The following RHBDD1 variants were observed in gnomAD, a reference collection of about 807,000 sequenced individuals.
RHBDD1 encodes the protein rhomboid-related protein 4.
Under a neutral mutation model 36.3 loss-of-function variants are expected in RHBDD1, and 38 were observed. The observed-to-expected ratio is 1.05, with a 90% CI of 0.81 to 1.37. RHBDD1 has a LOEUF of 1.37. RHBDD1 is among the 40% of genes most tolerant of loss of function. The pLI, the probability that RHBDD1 is intolerant of heterozygous loss-of-function variation, is 0.00. For missense variants in RHBDD1, 393 were observed against 377.6 expected (o/e 1.04, Z -0.34); for synonymous variants, 151 against 136.5 (o/e 1.11, Z -0.74).
intron 5 of RHBDD1, among the ~76,000 whole-genome samples, chr2:226,891,693 G>C (rs1946701296): frequency 6.6e-6 from 1 of 152,148 alleles, no homozygotes; most frequent in African/African-American, 2.4e-5. Context: ...ATAAGTATCT[G>C]TACCCAACCA....
chr2:226,836,728 T>C (rs1421685449), intron 1 of RHBDD1, among the ~76,000 whole-genome samples: 1 of 152,190 alleles, frequency 6.6e-6, no homozygotes, highest in Non-Finnish European at 1.5e-5. Flanking sequence ...TATCGAGGTG[T>C]TTGGGTCTCT....
At chr2:226,907,692 C>T (rs999408698) in intron 6 of RHBDD1, among the ~76,000 whole-genome samples, 4 of 152,122 alleles carry the variant, frequency 2.6e-5, no homozygotes, top group African/African-American at 9.7e-5. Context: ...GAAAGCTTTC[C>T]AGGCACTGCA....
intron 5 of RHBDD1, among the ~76,000 whole-genome samples, chr2:226,871,722 G>A (rs1944813852): frequency 6.6e-6 from 1 of 152,136 alleles, no homozygotes; most frequent in Non-Finnish European, 1.5e-5. Flanking sequence ...GAAACTGAAA[G>A]TTGGGTCTAA....
At chr2:226,983,086 G>A (rs1466057379) in intron 8 of RHBDD1, among the ~76,000 whole-genome samples, 2 of 152,182 alleles carry the variant, frequency 1.3e-5, no homozygotes, top group East Asian at 3.9e-4. Flanking sequence ...AATGGTCAAA[G>A]GCAAACATAA....
intron 8 of RHBDD1, among the ~76,000 whole-genome samples, chr2:226,982,237 T>C (rs1411469368): frequency 6.6e-6 from 1 of 152,236 alleles, no homozygotes; most frequent in Non-Finnish European, 1.5e-5. Flanking sequence ...ATTGCAGGTT[T>C]TTCTCAGAGC....
At chr2:226,984,133 C>T (rs766336800) in intron 8 of RHBDD1, among the ~76,000 whole-genome samples, 3 of 152,254 alleles carry the variant, frequency 2.0e-5, no homozygotes, top group Non-Finnish European at 2.9e-5. Flanking sequence ...CTGTTCACCG[C>T]TCTGATCACT....
chr2:226,915,502 G>C (rs1241387251), intron 8 of RHBDD1, among the ~76,000 whole-genome samples: 1 of 152,156 alleles, frequency 6.6e-6, no homozygotes, highest in Non-Finnish European at 1.5e-5. Context: ...ACACTGATGT[G>C]GTCAGAGCTC....
chr2:226,870,082 G>A (rs979645026), intron 5 of RHBDD1, among the ~76,000 whole-genome samples: 1 of 152,216 alleles, frequency 6.6e-6, no homozygotes, highest in Admixed American at 6.5e-5. Flanking sequence ...ATCACCCAGA[G>A]TAAGACAGCC....
intron 8 of RHBDD1, among the ~76,000 whole-genome samples, chr2:226,944,690 T>C (rs898234666): frequency 3.9e-5 from 6 of 152,230 alleles, no homozygotes; most frequent in African/African-American, 1.4e-4. Context: ...TGAGTGGCTG[T>C]AGTGATATTA....
At chr2:226,834,560 A>C (rs1293583203), upstream of RHBDD1, among the ~76,000 whole-genome samples, 1 of 152,236 alleles carries the variant, frequency 6.6e-6, no homozygotes, top group Non-Finnish European at 1.5e-5. Context: ...TTAAATTTCA[A>C]ACTCCAAAAT....
chr2:226,934,834 T>C (rs1176599143), intron 8 of RHBDD1, among the ~76,000 whole-genome samples: 1 of 151,106 alleles, frequency 6.6e-6, no homozygotes, highest in Non-Finnish European at 1.5e-5. Context: ...CCCACATCCC[T>C]CTGTGCATAA....
At chr2:226,847,481 G>T (rs554420770) in intron 3 of RHBDD1, among the ~76,000 whole-genome samples, 1 of 152,232 alleles carries the variant, frequency 6.6e-6, no homozygotes, top group South Asian at 2.1e-4. Context: ...AAAAGTATCT[G>T]CTTTAGATGA....
chr2:226,881,322 C>T (rs974620000), intron 5 of RHBDD1, among the ~76,000 whole-genome samples: 1 of 152,186 alleles, frequency 6.6e-6, no homozygotes, highest in African/African-American at 2.4e-5. Context: ...ATCTCTCACC[C>T]AGAGAAAATT....
intron 5 of RHBDD1, among the ~76,000 whole-genome samples, chr2:226,877,748 C>T (rs2125357657): frequency 6.6e-6 from 1 of 152,220 alleles, no homozygotes; most frequent in East Asian, 1.9e-4. Flanking sequence ...CATTTCATCA[C>T]ACGGTGTATT....
At chr2:226,879,417 G>T (rs1218846050) in intron 5 of RHBDD1, among the ~76,000 whole-genome samples, 1 of 152,208 alleles carries the variant, frequency 6.6e-6, no homozygotes, top group African/African-American at 2.4e-5. Flanking sequence ...AGTACTGTTT[G>T]TTCACGAGGC....
intron 8 of RHBDD1, among the ~76,000 whole-genome samples, chr2:226,921,751 A>G (rs1276403896): frequency 6.6e-6 from 1 of 152,116 alleles, no homozygotes; most frequent in East Asian, 1.9e-4. Context: ...TTTGTGGCCT[A>G]ACATATAGTC....
intron 5 of RHBDD1, among the ~76,000 whole-genome samples, chr2:226,902,586 G>A (rs1245945750): frequency 6.6e-6 from 1 of 152,158 alleles, no homozygotes; most frequent in Non-Finnish European, 1.5e-5. Flanking sequence ...TTTTACATTG[G>A]TGAAATTCAT....
At chr2:226,913,521 C>T (rs1166490741) in intron 7 of RHBDD1, among the ~76,000 whole-genome samples, 3 of 152,132 alleles carry the variant, frequency 2.0e-5, no homozygotes, top group Non-Finnish European at 4.4e-5. Flanking sequence ...ATGAACTTTT[C>T]CCTGTTATTG....
intron 5 of RHBDD1, chr2:226,867,699 C>T: frequency 1.1e-6 from 1 of 945,460 alleles, no homozygotes; most frequent in Non-Finnish European, 1.3e-6. Flanking sequence ...GTATGTTGAT[C>T]TAATGCTTTT....
Sources: gnomAD v4.1 joint callset for allele counts (sites outside exome capture counted in the v4.1 genomes callset) on GRCh38, gnomAD v4.1.1 for gene constraint, MANE v1.5 for transcripts, NCBI Gene and HGNC (gene_info 2026-07-23, HGNC 2026-07-21) for gene names.